TCF20: variants seen among roughly 807,000 people sequenced by gnomAD.
TCF20 encodes SPRE-binding protein.
In TCF20, 3 loss-of-function variants were observed where a neutral mutation model predicts 148.6. The ratio of observed to expected loss-of-function variants is 0.02; its 90% CI spans 0.01 to 0.05. The LOEUF (loss-of-function observed/expected upper bound fraction) is 0.05. TCF20 is among the 10% of genes least tolerant of loss of function. The pLI is 1.00. For synonymous variants in TCF20, 1,049 were observed against 909.5 expected, an observed-to-expected ratio of 1.15 and a Z score of -2.76; for missense variants, 2,350 against 2,429.3, an observed-to-expected ratio of 0.97 and a Z score of 0.69.
intron 1 of TCF20, among the ~76,000 whole-genome samples, chr22:42,315,546 T>C (rs888177818): frequency 6.6e-6 from 1 of 152,244 alleles, no homozygotes; most frequent in African/African-American, 2.4e-5. Context: ...TGGTTCTACC[T>C]CTGGGCAAAG....
At chr22:42,239,797 A>G (rs1924233594) in intron 1 of TCF20, among the ~76,000 whole-genome samples, 1 of 152,250 alleles carries the variant, frequency 6.6e-6, no homozygotes, top group African/African-American at 2.4e-5. Context: ...CGACTCAAAA[A>G]TAAATAAAAT....
intron 2 of TCF20, among the ~76,000 whole-genome samples, chr22:42,199,159 G>T (rs946652129): frequency 6.6e-6 from 1 of 152,186 alleles, no homozygotes; most frequent in Admixed American, 6.5e-5. Flanking sequence ...TTTACAATAA[G>T]AATAATACTG....
At chr22:42,267,104 C>T (rs1209878702) in intron 1 of TCF20, among the ~76,000 whole-genome samples, 1 of 151,934 alleles carries the variant, frequency 6.6e-6, no homozygotes. Context: ...CCCGTCTCTA[C>T]TGAAAATACA....
At chr22:42,243,860 G>A (rs1237925505) in intron 1 of TCF20, among the ~76,000 whole-genome samples, 3 of 152,132 alleles carry the variant, frequency 2.0e-5, no homozygotes, top group African/African-American at 7.2e-5. Context: ...GAACCACAAT[G>A]ACACAGCACT....
At position 42,323,867 on chromosome 22, in the gene TCF20, T is replaced by TGGA. The variant is rs1177829827; in HGVS notation, c.-37+19611_-37+19612insTCC. On this transcript the variant is annotated intron_variant, in intron 1 of 1. Coordinates refer to the TCF20 transcript ENST00000515426. ...GTAGTGGTGATGGAGGTTATGGTGG[T>TGGA]GGTGGTGGTGGTGGTGATGGAGGTT... 8.2e-5 allele frequency among the ~76,000 whole-genome samples: 10 copies of TGGA among 121,910 alleles called. 1 individual carries two copies. Among genetic ancestry groups the TGGA allele is most frequent in the Admixed American group, 3.5e-4 (4 of 11,342 alleles). 80.0% of individuals were successfully genotyped at this position (121,910 alleles called of 152,430 possible).
intron 1 of TCF20, among the ~76,000 whole-genome samples, chr22:42,236,908 C>T (rs553252293): frequency 3.9e-4 from 60 of 152,288 alleles, no homozygotes; most frequent in East Asian, 2.7e-3. Context: ...AATACTTTAT[C>T]GTTAAAAAAT....
At position 42,296,163 on chromosome 22, in the gene TCF20, GTGCAGGA is replaced by G. The variant is rs557518325; in HGVS notation, c.-37+47309_-37+47315del. ...CTGCCTGGCAGGTGAGTGCTTGGCA[GTGCAGGA>G]TCACCATCATGACCACCATCATCAT... On this transcript the variant is annotated intron_variant, in intron 1 of 1. Transcript: ENST00000515426. 4.1e-4 allele frequency among the ~76,000 whole-genome samples: 63 copies of G among 152,320 alleles called. No homozygotes were observed. In the East Asian group the frequency reaches 9.4e-3, roughly 23 times the overall value.
At position 42,338,212 on chromosome 22, in the gene TCF20, G is replaced by A. The variant is rs993821753; in HGVS notation, c.-37+5267C>T. Among the ~76,000 whole-genome samples the A allele has an allele frequency of 2.6e-5, 4 of 152,300 alleles. No individual in the cohort carries two copies. Among genetic ancestry groups the A allele is most frequent in the South Asian group, 2.1e-4 (1 of 4,822 alleles). Reference sequence around the variant, plus strand: ...GTTCTGCAGCATGAGAAATCCCCTCGCAGCTGGGTCCCCAGTGCCCGCTCC... The same window carrying A: ...GTTCTGCAGCATGAGAAATCCCCTCACAGCTGGGTCCCCAGTGCCCGCTCC... On this transcript the variant is annotated intron_variant, in intron 1 of 1. Coordinates refer to the TCF20 transcript ENST00000515426. The surrounding 1 kb of genome is among the most constrained non-coding windows in gnomAD (Gnocchi z 4.0).
chr22:42,270,216 G>A (rs1370084238), intron 1 of TCF20, among the ~76,000 whole-genome samples, 123 bp downstream of exon 1: 2 of 151,760 alleles, frequency 1.3e-5, no homozygotes, highest in Non-Finnish European at 2.9e-5. Context: ...AGGAGGCTCC[G>A]CACTCCCAGG....
intron 1 of TCF20, among the ~76,000 whole-genome samples, chr22:42,218,709 T>G (rs1485101679): frequency 6.6e-6 from 1 of 152,106 alleles, no homozygotes; most frequent in Non-Finnish European, 1.5e-5. Context: ...TCTTCCTAAA[T>G]AGGAGCCACC....
chr22:42,304,865 C>T (rs1027597111), intron 1 of TCF20, among the ~76,000 whole-genome samples: 7 of 152,034 alleles, frequency 4.6e-5, no homozygotes, highest in African/African-American at 1.2e-4. Context: ...TAAGGTCGGG[C>T]GCTGGGGCCT....
chr22:42,268,310 T>C (rs925390877), intron 1 of TCF20, among the ~76,000 whole-genome samples: 1 of 152,204 alleles, frequency 6.6e-6, no homozygotes, highest in Non-Finnish European at 1.5e-5. Flanking sequence ...TAGAAATACT[T>C]ACCAGTCAAA....
At chr22:42,248,657 A>G (rs528003482) in intron 1 of TCF20, among the ~76,000 whole-genome samples, 2 of 152,206 alleles carry the variant, frequency 1.3e-5, no homozygotes, top group Non-Finnish European at 2.9e-5. Flanking sequence ...CCAAAAGACT[A>G]AAGTCTAAAA....
At chr22:42,180,937 A>G (rs1936740736) in intron 2 of TCF20, among the ~76,000 whole-genome samples, 1 of 152,118 alleles carries the variant, frequency 6.6e-6, no homozygotes, top group Non-Finnish European at 1.5e-5. Flanking sequence ...CCCTGCTCTC[A>G]GAAGATCAAG....
intron 1 of TCF20, among the ~76,000 whole-genome samples, chr22:42,252,236 G>C (rs912515345): frequency 1.3e-5 from 2 of 149,610 alleles, no homozygotes; most frequent in African/African-American, 4.9e-5. Flanking sequence ...GCAGTGAGCC[G>C]AGCACCACTG....
intron 1 of TCF20, among the ~76,000 whole-genome samples, chr22:42,243,583 C>G (rs1368813384): frequency 6.6e-6 from 1 of 152,158 alleles, no homozygotes; most frequent in South Asian, 2.1e-4. Context: ...GCCTGGGCAA[C>G]AGAGCAAGAC....
intron 3 of TCF20, among the ~76,000 whole-genome samples, chr22:42,170,765 T>C (rs374674064): frequency 6.6e-6 from 1 of 151,856 alleles, no homozygotes; most frequent in Non-Finnish European, 1.5e-5. Flanking sequence ...CAATAAATGC[T>C]ATTTTAAAAA....
At chr22:42,183,806 CTT>C (rs1936904942) in intron 2 of TCF20, among the ~76,000 whole-genome samples, 4 of 147,838 alleles carry the variant, frequency 2.7e-5, no homozygotes. Flanking sequence ...GAGTTTCGCT[CTT>C]GTCGCTCTGG....
chr22:42,172,318 C>T (rs901067841), intron 3 of TCF20, among the ~76,000 whole-genome samples: 5 of 152,252 alleles, frequency 3.3e-5, no homozygotes, highest in Non-Finnish European at 5.9e-5. Context: ...GAGTGAAGAG[C>T]AGTAGGTGTA....
Sources: gnomAD v4.1 joint callset for allele counts (sites outside exome capture counted in the v4.1 genomes callset) on GRCh38, gnomAD v4.1.1 for gene constraint, Gnocchi (gnomAD v3.1) non-coding constraint, MANE v1.5 for transcripts, NCBI Gene and HGNC (gene_info 2026-07-23, HGNC 2026-07-21) for gene names.